TRIM24: variants seen among roughly 807,000 people sequenced by gnomAD.
TRIM24 encodes the protein tripartite motif containing 24.
In TRIM24, 29 loss-of-function variants were observed where a neutral mutation model predicts 123.9. The observed-to-expected ratio is 0.23, with a 90% CI of 0.17 to 0.32. The LOEUF (loss-of-function observed/expected upper bound fraction) is 0.32, where lower values mean the gene tolerates loss of function less well. Among genes scored for constraint, TRIM24 ranks in the 10% least tolerant of loss-of-function variants. TRIM24 has a pLI of 1.00. For synonymous variants in TRIM24, 456 were observed against 461.1 expected, an observed-to-expected ratio of 0.99 and a Z score of 0.14; for missense variants, 932 against 1,295.3, an observed-to-expected ratio of 0.72 and a Z score of 4.31.
chr7:138,581,618 C>T (rs1200251365), intron 16 of TRIM24, 79 bp from the exon 17 acceptor site: 3 of 1,271,666 alleles, frequency 2.4e-6, no homozygotes, highest in Non-Finnish European at 3.3e-6. Context: ...TTTGGGACCT[C>T]TGAGATTGTT....
intron 1 of TRIM24, among the ~76,000 whole-genome samples, chr7:138,497,336 A>G (rs1000072962): frequency 6.6e-6 from 1 of 150,446 alleles, no homozygotes; most frequent in Non-Finnish European, 1.5e-5. Context: ...CCAAAGTGCC[A>G]GTATTACAGG....
At position 138,496,876 on chromosome 7, in the gene TRIM24, A is replaced by G. The variant is rs78863426; in HGVS notation, c.365-7414A>G. On this transcript the variant is annotated intron_variant, in intron 1 of 18. Coordinates refer to ENST00000343526, the MANE Select transcript of TRIM24 (RefSeq NM_015905.3). The stretch of plus-strand genomic sequence containing the variant: ...CTTTTCTCCCTTATTTTGTTAACAT[A>G]ATGAATTATTTGAACGCTCAACCAG... Among the ~76,000 whole-genome samples, 351 of 152,270 alleles carry G rather than the reference A, an allele frequency of 2.3e-3. 3 individuals are homozygous for G. Among genetic ancestry groups the G allele is most frequent in the African/African-American group, 8.1e-3 (336 of 41,552 alleles).
intron 4 of TRIM24, among the ~76,000 whole-genome samples, chr7:138,521,036 T>C (rs1396592577): frequency 6.6e-6 from 1 of 152,198 alleles, no homozygotes; most frequent in African/African-American, 2.4e-5. Flanking sequence ...AAGAAAGTAA[T>C]ATTTTTAAAG....
chr7:138,560,592 G>T (rs762029228), intron 9 of TRIM24, among the ~76,000 whole-genome samples: 1 of 152,128 alleles, frequency 6.6e-6, no homozygotes, highest in Non-Finnish European at 1.5e-5. Flanking sequence ...CAAACGGCTC[G>T]GGTGATGGCA....
chr7:138,478,015 A>G (rs1795441444), intron 1 of TRIM24, among the ~76,000 whole-genome samples: 1 of 152,234 alleles, frequency 6.6e-6, no homozygotes, highest in African/African-American at 2.4e-5. Context: ...TAATTCGAGA[A>G]TGAAATTGCT....
At chr7:138,552,267 A>G (rs888231475) in intron 8 of TRIM24, among the ~76,000 whole-genome samples, 5 of 152,170 alleles carry the variant, frequency 3.3e-5, no homozygotes, top group Non-Finnish European at 7.4e-5. Context: ...TAAATGACAC[A>G]TTTATCAGAA....
chr7:138,517,505 G>T (rs1280889497), intron 3 of TRIM24, among the ~76,000 whole-genome samples: 1 of 151,912 alleles, frequency 6.6e-6, no homozygotes, highest in Non-Finnish European at 1.5e-5. Context: ...CAAGTAGCTG[G>T]GATTATGTAA....
In TRIM24 at chr7:138,460,658, A is replaced by G; in HGVS notation, c.110A>G (p.Gln37Arg). 6.7e-7 allele frequency: 1 copy of G among 1,490,184 alleles called. No individual in the cohort carries two copies. Among genetic ancestry groups the G allele is most frequent in the Non-Finnish European group, 8.9e-7 (1 of 1,124,736 alleles). The allele number at this position is 1,490,184 out of a possible 1,614,324, so 92.3% of individuals were successfully genotyped here. Residue 37 changes from glutamine (Q) to arginine (R), a missense_variant, in exon 1 of 19, where the codon CAG becomes CGG. Gln to Arg is a conservative substitution (Grantham distance 43). Around this residue, in one of 7 missense-constraint regions of TRIM24, gnomAD observed 164 missense variants for 181.9 expected, o/e 0.90. Coordinates refer to ENST00000343526, the MANE Select transcript of TRIM24 (RefSeq NM_015905.3). ...PSGENEAESR[Q>R]GPDSERGGEA... ...GGGGAGAACGAGGCCGAGAGTCGGC[A>G]GGGCCCGGACTCGGAGCGCGGCGGC...
chr7:138,461,220 C>T (rs1794963366), intron 1 of TRIM24: 1 of 640,828 alleles, frequency 1.6e-6, no homozygotes, highest in African/African-American at 1.8e-5. Flanking sequence ...GTCGGAGTCT[C>T]CTGCAGCCGG....
At chr7:138,464,450 T>C (rs1332739815) in intron 1 of TRIM24, among the ~76,000 whole-genome samples, 1 of 151,792 alleles carries the variant, frequency 6.6e-6, no homozygotes, top group African/African-American at 2.4e-5. Context: ...GTGTGAGCCT[T>C]GGGGTAAAAT....
Position 138,584,985 on chromosome 7 carries a change from ATTTT to A in TRIM24, c.*38_*41del. On this transcript the variant is annotated 3_prime_UTR_variant, in exon 19 of 19. Transcript: ENST00000343526. ...ACCACTAGCTTGTGCTGGTTTTTAG[ATTTT>A]TTTGTTTTCAAAAAAACATTTGTCA... The A allele has an allele frequency of 1.3e-6, 2 of 1,547,010 alleles. No homozygotes were observed. Among genetic ancestry groups the A allele is most frequent in the Non-Finnish European group, 8.7e-7 (1 of 1,149,034 alleles).
intron 1 of TRIM24, among the ~76,000 whole-genome samples, chr7:138,490,040 T>C (rs1328402941): frequency 5.9e-5 from 9 of 152,188 alleles, no homozygotes; most frequent in Admixed American, 5.9e-4. Flanking sequence ...CTTGGAGGCT[T>C]TGTTCATTTC....
intron 1 of TRIM24, among the ~76,000 whole-genome samples, chr7:138,477,901 T>C (rs879475657): frequency 6.6e-5 from 10 of 152,178 alleles, no homozygotes; most frequent in African/African-American, 9.7e-5. Flanking sequence ...AGCTGATATA[T>C]TTGAACATAT....
intron 9 of TRIM24, among the ~76,000 whole-genome samples, chr7:138,565,312 T>C (rs531488214): frequency 6.6e-6 from 1 of 152,180 alleles, no homozygotes; most frequent in Non-Finnish European, 1.5e-5. Context: ...GTTTGACCAC[T>C]AGTTACACCC....
rs769452710 is a variant in TRIM24, at chr7:138,585,698, A to G, written c.*747A>G. The G allele has an allele frequency of 1.1e-4, 44 of 403,264 alleles. No individual in the cohort carries two copies. The highest frequency in any genetic ancestry group is 2.0e-4 in the Admixed American group (5 of 25,090). 25.0% of individuals were successfully genotyped at this position (403,264 alleles called of 1,614,324 possible). A position where few individuals can be genotyped will look rare whatever the true frequency, so the allele number is the denominator to read the frequency against. On this transcript the variant is annotated 3_prime_UTR_variant, in exon 19 of 19. Coordinates refer to ENST00000343526, the MANE Select transcript of TRIM24 (RefSeq NM_015905.3). ...TAGATCTAGATTTTCAACTTCTTCC[A>G]CTGAGGGAAGTATATACATTTGGGT...
chr7:138,556,903 T>G (rs1866595), intron 9 of TRIM24, among the ~76,000 whole-genome samples: 152,059 of 152,352 alleles, frequency 1, 75,883 homozygotes, highest in Middle Eastern at 1. Context: ...TCTGAAAGGG[T>G]GTTGGCTAAT....
At chr7:138,528,572 A>G (rs1796660700) in intron 5 of TRIM24, among the ~76,000 whole-genome samples, 1 of 151,818 alleles carries the variant, frequency 6.6e-6, no homozygotes, top group African/African-American at 2.4e-5. Flanking sequence ...TTGATAAAAC[A>G]TAGTTATTTG....
intron 16 of TRIM24, among the ~76,000 whole-genome samples, chr7:138,581,243 G>A (rs954165328): frequency 1.8e-4 from 28 of 152,320 alleles, no homozygotes; most frequent in African/African-American, 6.3e-4. Context: ...CCCATTCACT[G>A]CCAGTACTAC....
intron 1 of TRIM24, among the ~76,000 whole-genome samples, chr7:138,469,945 G>A (rs10229430): frequency 6.6e-6 from 1 of 152,016 alleles, no homozygotes; most frequent in Admixed American, 6.6e-5. Flanking sequence ...AGGACCAAAG[G>A]ATGTGTGCCT....
Sources: gnomAD v4.1 joint callset for allele counts (sites outside exome capture counted in the v4.1 genomes callset) on GRCh38, gnomAD v4.1.1 for gene constraint, gnomAD v4.1.1 regional missense constraint, MANE v1.5 for transcripts, NCBI Gene and HGNC (gene_info 2026-07-23, HGNC 2026-07-21) for gene names.